Variants in ZMYM5 observed in about 807,000 individuals in gnomAD.
ZMYM5 encodes the protein zinc finger MYM-type protein 5.
ZMYM5 carries 41 observed loss-of-function variants against 61.8 expected under a neutral mutation model. The observed-to-expected ratio is 0.66, with a 90% CI of 0.52 to 0.86. The LOEUF (loss-of-function observed/expected upper bound fraction) is 0.86. Among genes scored for constraint, ZMYM5 ranks in the 40% least tolerant of loss-of-function variants. ZMYM5 has a pLI of 0.00. For synonymous variants in ZMYM5, 257 were observed against 276.4 expected (o/e 0.93, Z 0.70); for missense variants, 706 against 786.7 (o/e 0.90, Z 1.23).
chr13:19,830,846 T>C (rs895123083), intron 7 of ZMYM5, among the ~76,000 whole-genome samples: 2 of 145,132 alleles, frequency 1.4e-5, no homozygotes, highest in Non-Finnish European at 3.0e-5. Context: ...TTTCTTTTTT[T>C]TTTTTTTTTT....
At chr13:19,858,667 G>A (rs1325310536) in intron 2 of ZMYM5, among the ~76,000 whole-genome samples, 1 of 150,648 alleles carries the variant, frequency 6.6e-6, no homozygotes, top group African/African-American at 2.4e-5. Flanking sequence ...CCCTAAACAG[G>A]ACTACCACAA....
At chr13:19,844,987 A>C (rs1953025812) in intron 4 of ZMYM5, among the ~76,000 whole-genome samples, 1 of 152,206 alleles carries the variant, frequency 6.6e-6, no homozygotes, top group South Asian at 2.1e-4. Context: ...ATTAACCATC[A>C]CATGCTTTAA....
chr13:19,836,168 G>GTT (rs1409286481), intron 6 of ZMYM5, among the ~76,000 whole-genome samples: 1 of 151,928 alleles, frequency 6.6e-6, no homozygotes, highest in Non-Finnish European at 1.5e-5. Flanking sequence ...TCCTTTATTT[G>GTT]TAAGATCACT....
intron 4 of ZMYM5, among the ~76,000 whole-genome samples, chr13:19,848,114 G>A (rs996515368): frequency 1.3e-5 from 2 of 152,062 alleles, no homozygotes; most frequent in East Asian, 3.9e-4. Flanking sequence ...GTGACTGCAG[G>A]AGCATGCCAC....
intron 7 of ZMYM5, among the ~76,000 whole-genome samples, chr13:19,833,859 G>C (rs1264055447): frequency 6.6e-6 from 1 of 152,158 alleles, no homozygotes; most frequent in Non-Finnish European, 1.5e-5. Flanking sequence ...AAATCTTCCG[G>C]CCAGGCACAA....
Position 19,851,742 on chromosome 13 carries a change from T to C in ZMYM5, c.439A>G (p.Lys147Glu). The C allele has an allele frequency of 1.9e-6, 3 of 1,586,670 alleles. No homozygotes were observed. Among genetic ancestry groups the C allele is most frequent in the Non-Finnish European group, 2.6e-6 (3 of 1,172,954 alleles). ...CFIEWGLPGT[K>E]NKTNDLDFST... ...AAATCCAAATCGTTGGTTTTGTTTTTAGTTCCAGGAAGTCCCCATTCGATA... is the reference window on the plus strand; with the variant it reads ...AAATCCAAATCGTTGGTTTTGTTTTCAGTTCCAGGAAGTCCCCATTCGATA... Residue 147 changes from lysine (K) to glutamate (E), a missense_variant, in exon 3 of 8, where the codon AAA becomes GAA. Transcript: ENST00000337963.
At chr13:19,827,956 T>C (rs551778390) in intron 7 of ZMYM5, among the ~76,000 whole-genome samples, 2 of 138,262 alleles carry the variant, frequency 1.4e-5, no homozygotes, top group African/African-American at 5.5e-5. Context: ...GAGGCGGAGA[T>C]TGCAGTGAGC....
chr13:19,848,482 A>T (rs1243261585), intron 4 of ZMYM5, among the ~76,000 whole-genome samples: 1 of 150,908 alleles, frequency 6.6e-6, no homozygotes, highest in Admixed American at 6.6e-5. Flanking sequence ...AGGTCTTGCT[A>T]TGTTGCCCAG....
At chr13:19,849,683 A>G (rs542922460) in intron 4 of ZMYM5, among the ~76,000 whole-genome samples, 39 of 152,290 alleles carry the variant, frequency 2.6e-4, no homozygotes, top group African/African-American at 7.5e-4. Context: ...AATTTTAAAA[A>G]TAAGGAAAAA....
intron 2 of ZMYM5, among the ~76,000 whole-genome samples, chr13:19,857,105 C>CAAAACG (rs1208333210): frequency 6.6e-6 from 1 of 152,182 alleles, no homozygotes; most frequent in African/African-American, 2.4e-5. Context: ...GACTCCGTCT[C>CAAAACG]AAAACGAAAA....
chr13:19,828,246 G>A (rs897128058), intron 7 of ZMYM5, among the ~76,000 whole-genome samples: 1 of 152,122 alleles, frequency 6.6e-6, no homozygotes, highest in Non-Finnish European at 1.5e-5. Flanking sequence ...GGCCAAGGCG[G>A]GTGGATCACC....
intron 4 of ZMYM5, among the ~76,000 whole-genome samples, chr13:19,849,325 C>T (rs1022921832): frequency 6.6e-6 from 1 of 152,042 alleles, no homozygotes; most frequent in Admixed American, 6.6e-5. Flanking sequence ...GTCTTCGCTA[C>T]GTTACTGAGG....
chr13:19,849,100 C>A (rs1041666584), intron 4 of ZMYM5, among the ~76,000 whole-genome samples: 1 of 151,994 alleles, frequency 6.6e-6, no homozygotes, highest in African/African-American at 2.4e-5. Flanking sequence ...GTACTTCAGA[C>A]AAATATTTTG....
At position 19,842,960 on chromosome 13, in the gene ZMYM5, C is replaced by CA. The variant is rs753799756; in HGVS notation, c.587-3976dup. Among the ~76,000 whole-genome samples, 659 of 77,738 alleles carry CA rather than the reference C, an allele frequency of 8.5e-3. 31 individuals carry two copies. Among genetic ancestry groups the CA allele is most frequent in the African/African-American group, 0.03 (615 of 20,792 alleles). The allele number at this position is 77,738 out of a possible 152,430, so 51.0% of individuals were successfully genotyped here. On this transcript the variant is annotated intron_variant, in intron 4 of 7. Transcript: ENST00000337963. The stretch of plus-strand genomic sequence containing the variant: ...GGGAGACAAGAGCCAAACTCCATCT[C>CA]AAAAAAAAAAAAAAAAAAAAAAAAA...
intron 4 of ZMYM5, among the ~76,000 whole-genome samples, chr13:19,849,297 A>T (rs962373018): frequency 6.6e-6 from 1 of 151,702 alleles, no homozygotes; most frequent in Non-Finnish European, 1.5e-5. Context: ...ATTTTTTTTT[A>T]CTTTTTATAG....
chr13:19,836,690 A>G (rs908299113), intron 6 of ZMYM5, among the ~76,000 whole-genome samples: 5 of 152,186 alleles, frequency 3.3e-5, no homozygotes, highest in African/African-American at 1.2e-4. Flanking sequence ...AATCAATATT[A>G]TCTGTATTCA....
intron 7 of ZMYM5, among the ~76,000 whole-genome samples, chr13:19,831,153 G>C (rs1162739225): frequency 6.7e-6 from 1 of 148,704 alleles, no homozygotes; most frequent in East Asian, 2.0e-4. Flanking sequence ...TTGAGACAAG[G>C]TCTTGCTCTG....
At chr13:19,826,527 T>G (rs1474851355) in intron 7 of ZMYM5, among the ~76,000 whole-genome samples, 1 of 151,300 alleles carries the variant, frequency 6.6e-6, no homozygotes, top group Non-Finnish European at 1.5e-5. Context: ...GAGGCCGAGG[T>G]GGGGGGATCA....
intron 4 of ZMYM5, among the ~76,000 whole-genome samples, chr13:19,848,349 T>C (rs996073499): frequency 6.6e-6 from 1 of 152,076 alleles, no homozygotes; most frequent in Non-Finnish European, 1.5e-5. Flanking sequence ...GTTGTGATCA[T>C]GGCTCACTGT....
Sources: allele counts gnomAD v4.1 joint callset (sites outside exome capture counted in the v4.1 genomes callset), GRCh38; gene constraint gnomAD v4.1.1; transcripts MANE v1.5; gene names NCBI Gene and HGNC (gene_info 2026-07-23, HGNC 2026-07-21).